The following SLC2A6 variants were observed in gnomAD, a reference collection of about 807,000 sequenced individuals.
The protein encoded by SLC2A6 is solute carrier family 2, facilitated glucose transporter member 6.
Under a neutral mutation model 47.8 loss-of-function variants are expected in SLC2A6, and 39 were observed. That is an observed-to-expected ratio of 0.82 (90% confidence interval 0.63 to 1.07). SLC2A6 has a LOEUF of 1.07. Ranked by LOEUF, SLC2A6 falls within the 50% of genes least tolerant of loss-of-function variation. The pLI, the probability that SLC2A6 is intolerant of heterozygous loss-of-function variation, is 0.00. For synonymous variants in SLC2A6, 346 were observed against 324.1 expected (o/e 1.07, Z -0.73); for missense variants, 650 against 707.6 (o/e 0.92, Z 0.92).
At position 133,474,000 on chromosome 9, in the gene SLC2A6, T is replaced by A; in HGVS notation, c.1016A>T (p.Lys339Met). 6.2e-7 allele frequency: 1 copy of A among 1,610,054 alleles called. No individual in the cohort carries two copies. Among genetic ancestry groups the A allele is most frequent in the Non-Finnish European group, 8.5e-7 (1 of 1,178,492 alleles). ...AALTMDLAGRKVLLFVSAAIM... is the reference protein window; with the variant it reads ...AALTMDLAGRMVLLFVSAAIM... ...CTTACCTGAGACGAAGAGCAGCACC[T>A]TGCGGCCTGCGAGGTCCATGGTGAG... The change falls in exon 7 of 10, where the codon AAG (lysine) becomes ATG (methionine). Residue 339 changes from lysine to methionine, a missense_variant. Coordinates refer to ENST00000371899, the MANE Select transcript of SLC2A6 (RefSeq NM_017585.4).
At chr9:133,478,569 G>C (rs957519030) in intron 1 of SLC2A6, 153 bp from the exon 2 acceptor site, 2 of 782,662 alleles carry the variant, frequency 2.6e-6, no homozygotes, top group African/African-American at 1.8e-5. Flanking sequence ...CTGAGCCCCA[G>C]CTCCCCTGGG....
Position 133,479,065 on chromosome 9 carries a change from G to A in SLC2A6, c.-6C>T. ...CCCAGCAGCGGCTCCTGCATGGCCG[G>A]GTCTCTCTCGGGGCGAGCGGAGGGC... On this transcript the variant is annotated 5_prime_UTR_variant, in exon 1 of 10. Transcript: ENST00000371899. 1.9e-6 allele frequency: 3 copies of A among 1,591,392 alleles called. No homozygotes were observed. The highest frequency in any genetic ancestry group is 1.4e-5 in the African/African-American group (1 of 73,296).
In SLC2A6 at chr9:133,478,306, C is replaced by A. The variant is rs200302305; in HGVS notation, c.203G>T (p.Arg68Leu). The A allele has an allele frequency of 1.2e-6, 2 of 1,614,060 alleles. No homozygotes were observed. Among genetic ancestry groups the A allele is most frequent in the Non-Finnish European group, 1.7e-6 (2 of 1,179,998 alleles). ...YTSPVIPALE[R>L]SLDPDLHLTK... is the part of the protein sequence containing the mutation. ...CAGATGCAGGTCAGGATCCAAGGAG[C>A]GCTCCAGGGCTGGGATGACAGGGGA... The change falls in exon 2 of 10, where the codon CGC becomes CTC. Residue 68 changes from arginine (R) to leucine (L), a missense_variant. Transcript: ENST00000371899.
At position 133,474,941 on chromosome 9, in the gene SLC2A6, G is replaced by A. The variant is rs368334302; in HGVS notation, c.927+20C>T. ...CCAGGGGACCCCGTGGGTGGGCGCC[G>A]GCCGGGGCTGGGCTCTCACCAGCAG... On this transcript the variant is annotated intron_variant, in intron 6 of 9. Transcript: ENST00000371899. 1.8e-5 allele frequency: 27 copies of A among 1,497,338 alleles called. No individual in the cohort carries two copies. The African/African-American group carries it at 2.7e-4, about 15-fold the overall frequency. 92.8% of individuals were successfully genotyped at this position (1,497,338 alleles called of 1,614,324 possible).
At position 133,478,561 on chromosome 9, in the gene SLC2A6, G is replaced by C. The variant is rs1227571909; in HGVS notation, c.93-145C>G. On this transcript the variant is annotated intron_variant, in intron 1 of 9. Transcript: ENST00000371899. The stretch of plus-strand genomic sequence containing the variant: ...AAGGCCATTCACGTTCCCAGGGCCT[G>C]AGCCCCAGCTCCCCTGGGAAATTCC... 3.6e-6 allele frequency: 3 copies of C among 836,746 alleles called. No individual in the cohort carries two copies. The Admixed American group carries it at 8.1e-5, about 22-fold the overall frequency. The allele number at this position is 836,746 out of a possible 1,614,324, so 51.8% of individuals were successfully genotyped here.
rs1554803050 is a variant in SLC2A6, at chr9:133,475,436, C to T, written c.738G>A (p.Trp246Ter). The part of the protein sequence containing the change: ...WLRGTDVDVH[W>*]EFEQIQDNVR... ...CGTTGTCCTGGATCTGCTCGAACTC[C>T]CAGTGGACATCGACGTCCGTCCCAC... Residue 246 changes from tryptophan to a stop codon, truncating the protein, a stop_gained, in exon 5 of 10, where the codon TGG becomes TGA. Coordinates refer to ENST00000371899, the MANE Select transcript of SLC2A6 (RefSeq NM_017585.4). LOFTEE classifies it high-confidence loss of function. 6.2e-7 allele frequency: 1 copy of T among 1,611,038 alleles called. No individual in the cohort carries two copies. Among genetic ancestry groups the T allele is most frequent in the African/African-American group, 1.3e-5 (1 of 74,928 alleles).
chr9:133,476,263 A>T lies in SLC2A6; in HGVS notation c.536T>A (p.Phe179Tyr). The change falls in exon 4 of 10, where the codon TTC becomes TAC. Residue 179 changes from phenylalanine to tyrosine, a missense_variant. Physicochemically the swap from Phe to Tyr is conservative, Grantham distance 22. Coordinates refer to ENST00000371899, the MANE Select transcript of SLC2A6 (RefSeq NM_017585.4). ...AAGGGCGTAGAGGGACAGGGATCCG[A>T]ACACTGCCATGAGCTGGGGTGTGGC... ...LGATPQLMAVFGSLSLYALGL... is the reference protein window; with the variant it reads ...LGATPQLMAVYGSLSLYALGL... 1 of 1,612,932 alleles carries T rather than the reference A, an allele frequency of 6.2e-7. No homozygotes were observed. Among genetic ancestry groups the T allele is most frequent in the Non-Finnish European group, 8.5e-7 (1 of 1,179,904 alleles).
chr9:133,475,503 C>G lies in SLC2A6; in HGVS notation c.671G>C (p.Arg224Pro), dbSNP rs147854160. The stretch of plus-strand genomic sequence containing the variant: ...CCGCAGGGCCTCTTCGTCCCTGCCC[C>G]GAGAGAGCAGGAAGCGCGGCGAGTT... Reference protein sequence around the residue: ...MPNSPRFLLSRGRDEEALRAL... With the variant: ...MPNSPRFLLSPGRDEEALRAL... The change falls in exon 5 of 10, where the codon CGG becomes CCG. Residue 224 changes from arginine (R) to proline (P), a missense_variant. Physicochemically the swap from Arg to Pro is moderately radical, Grantham distance 103 (BLOSUM62 -2). Coordinates refer to ENST00000371899, the MANE Select transcript of SLC2A6 (RefSeq NM_017585.4). 2.5e-6 allele frequency: 4 copies of G among 1,611,576 alleles called. No homozygotes were observed. Among genetic ancestry groups the G allele is most frequent in the Middle Eastern group, 1.9e-4 (1 of 5,168 alleles).
chr9:133,473,084 G>A, intron 9 of SLC2A6, 21 bp downstream of exon 9: 1 of 1,597,064 alleles, frequency 6.3e-7, no homozygotes, highest in South Asian at 1.1e-5. Context: ...AGGGGCCTGG[G>A]GCCTGGGGCT....
chr9:133,475,601 C>T lies in SLC2A6; in HGVS notation c.573G>A (p.Leu191=). The change falls in exon 5 of 10, where the codon CTG becomes CTA. Residue 191 remains leucine (L), a synonymous_variant. Coordinates refer to ENST00000371899, the MANE Select transcript of SLC2A6 (RefSeq NM_017585.4). ...CGGCCACAGCCAGCCAGCGCCACGG[C>T]AGCAGGAGGCCTGGGGGCGAGGGGT... The part of the protein sequence containing the change: ...SLSLYALGLL[L]PWRWLAVAGE... 6.3e-7 allele frequency: 1 copy of T among 1,595,186 alleles called. No homozygotes were observed. The highest frequency in any genetic ancestry group is 8.5e-7 in the Non-Finnish European group (1 of 1,173,062).
intron 1 of SLC2A6, 102 bp downstream of exon 1, chr9:133,478,866 G>T: frequency 5.8e-6 from 6 of 1,036,378 alleles, no homozygotes; most frequent in South Asian, 4.5e-5. Context: ...CCTCGGTGGC[G>T]ACTAGGTCAG....
chr9:133,473,155 C>T lies in SLC2A6; in HGVS notation c.1318G>A (p.Ala440Thr). The change falls in exon 9 of 10, where the codon GCC (alanine) becomes ACC (threonine). Residue 440 changes from alanine (A) to threonine (T), a missense_variant. Physicochemically the swap from Ala to Thr is moderately conservative, Grantham distance 58. Coordinates refer to ENST00000371899, the MANE Select transcript of SLC2A6 (RefSeq NM_017585.4). Reference sequence around the variant, plus strand: ...AGGACGAAGGCGGTGAGCCAGCTGGCCAGCACGCAGAGCCCTGAGGCCACG... The same window carrying T: ...AGGACGAAGGCGGTGAGCCAGCTGGTCAGCACGCAGAGCCCTGAGGCCACG... ...RGVASGLCVL[A>T]SWLTAFVLTK... 2 of 1,611,368 alleles carry T rather than the reference C, an allele frequency of 1.2e-6. No individual in the cohort carries two copies. The highest frequency in any genetic ancestry group is 1.1e-5 in the South Asian group (1 of 90,868).
chr9:133,478,801 G>GA, intron 1 of SLC2A6, 167 bp downstream of exon 1: 1 of 625,134 alleles, frequency 1.6e-6, no homozygotes, highest in South Asian at 2.0e-5. Context: ...CCCTTAGGGG[G>GA]ACCAGTTCCT....
chr9:133,476,288 C>A lies in SLC2A6; in HGVS notation c.511G>T (p.Ala171Ser), dbSNP rs1554803342. Residue 171 changes from alanine (A) to serine (S), a missense_variant, in exon 4 of 10, where the codon GCC becomes TCC. By Grantham distance (99) the Ala-to-Ser change is moderately conservative (BLOSUM62 1). Coordinates refer to ENST00000371899, the MANE Select transcript of SLC2A6 (RefSeq NM_017585.4). Reference protein sequence around the residue: ...APPGVRGALGATPQLMAVFGS... With the variant: ...APPGVRGALGSTPQLMAVFGS... ...AACACTGCCATGAGCTGGGGTGTGG[C>A]CCCCAGAGCCCCACGAACGCCTGGG... 6.2e-7 allele frequency: 1 copy of A among 1,612,818 alleles called. No individual in the cohort carries two copies. Among genetic ancestry groups the A allele is most frequent in the East Asian group, 2.2e-5 (1 of 44,878 alleles).
intron 2 of SLC2A6, 146 bp downstream of exon 2, chr9:133,478,108 A>C: frequency 1.3e-6 from 1 of 776,600 alleles, no homozygotes; most frequent in Non-Finnish European, 2.1e-6. Flanking sequence ...TACCCCACCC[A>C]CTAGTGGCCT....
Position 133,473,130 on chromosome 9 carries a change from A to G in SLC2A6, c.1343T>C (p.Leu448Pro), listed in dbSNP as rs782168749. ...VLASWLTAFV[L>P]TKSFLPVVST... ...CACCACTGGCAGGAAGGACTTGGTGAGGACGAAGGCGGTGAGCCAGCTGGC... is the reference window on the plus strand; with the variant it reads ...CACCACTGGCAGGAAGGACTTGGTGGGGACGAAGGCGGTGAGCCAGCTGGC... Residue 448 changes from leucine (L) to proline (P), a missense_variant, in exon 9 of 10, where the codon CTC becomes CCC. Physicochemically the swap from Leu to Pro is moderately conservative, Grantham distance 98 (BLOSUM62 -3). Transcript: ENST00000371899. 2 of 1,610,474 alleles carry G rather than the reference A, an allele frequency of 1.2e-6. No individual in the cohort carries two copies. The highest frequency in any genetic ancestry group is 1.7e-6 in the Non-Finnish European group (2 of 1,179,224).
rs1382202591 is a variant in SLC2A6 at position 133,471,597 on chromosome 9, TG to T, written c.*423del. The T allele has an allele frequency of 6.2e-6, 1 of 160,298 alleles. No individual in the cohort carries two copies. The highest frequency in any genetic ancestry group is 1.4e-5 in the Non-Finnish European group (1 of 73,188). 9.9% of individuals were successfully genotyped at this position (160,298 alleles called of 1,614,324 possible). A position where few individuals can be genotyped will look rare whatever the true frequency, so the allele number is the denominator to read the frequency against. ...TGTGAGGGCAAAGCCGGGTCTTCCT[TG>T]CACAGCCAGATGCCACCAGATCAGA... On this transcript the variant is annotated 3_prime_UTR_variant, in exon 10 of 10. Transcript: ENST00000371899.
chr9:133,475,212 TC>T, intron 5 of SLC2A6, 99 bp from the exon 6 acceptor site: 1 of 1,418,986 alleles, frequency 7.0e-7, no homozygotes, highest in Non-Finnish European at 9.2e-7. Flanking sequence ...ACCTCCTTTT[TC>T]CCTCCTCCAG....
chr9:133,471,095 A>G lies in SLC2A6; in HGVS notation c.*926T>C, dbSNP rs1214162907. Reference sequence around the variant, plus strand: ...ACCCCACTCTTTCCTCGCTAGGACTACAGGTCCAGTTCCTTTATTTTTACA... The same window carrying G: ...ACCCCACTCTTTCCTCGCTAGGACTGCAGGTCCAGTTCCTTTATTTTTACA... On this transcript the variant is annotated 3_prime_UTR_variant, in exon 10 of 10. Coordinates refer to ENST00000371899, the MANE Select transcript of SLC2A6 (RefSeq NM_017585.4). The G allele has an allele frequency of 1.3e-5, 2 of 152,178 alleles. No individual in the cohort carries two copies. The highest frequency in any genetic ancestry group is 2.9e-5 in the Non-Finnish European group (2 of 68,056). The allele number at this position is 152,178 out of a possible 1,614,324, so 9.4% of individuals were successfully genotyped here.
Sources: gnomAD v4.1 joint callset for allele counts on GRCh38, gnomAD v4.1.1 for gene constraint, MANE v1.5 for transcripts, NCBI Gene and HGNC (gene_info 2026-07-23, HGNC 2026-07-21) for gene names.